R3HDM1: variants seen among roughly 807,000 people sequenced by gnomAD.
R3HDM1 encodes R3H domain-containing protein 1.
R3HDM1 carries 46 observed loss-of-function variants against 141.1 expected under a neutral mutation model. That is an observed-to-expected ratio of 0.33 (90% confidence interval 0.26 to 0.42). R3HDM1 has a LOEUF of 0.42. R3HDM1 is among the 10% of genes least tolerant of loss of function. The probability of loss-of-function intolerance (pLI) is 1.00; values close to 1 mark genes in which losing one functional copy is unlikely to be tolerated. For synonymous variants in R3HDM1, 435 were observed against 472.9 expected (o/e 0.92, Z 1.04); for missense variants, 1,184 against 1,368.3 (o/e 0.87, Z 2.12).
intron 14 of R3HDM1, 96 bp from the exon 15 acceptor site, chr2:135,641,440 G>T: frequency 7.5e-7 from 1 of 1,334,958 alleles, no homozygotes; most frequent in Non-Finnish European, 1.0e-6. Flanking sequence ...TGTAGTAACT[G>T]CATGTTATGC....
intron 24 of R3HDM1, among the ~76,000 whole-genome samples, chr2:135,721,284 C>T (rs2076672746): frequency 6.6e-6 from 1 of 152,156 alleles, no homozygotes; most frequent in Non-Finnish European, 1.5e-5. Flanking sequence ...TTGAGACCAG[C>T]CTGGTCAACA....
intron 15 of R3HDM1, among the ~76,000 whole-genome samples, chr2:135,642,219 G>A (rs1030228709): frequency 6.6e-6 from 1 of 151,532 alleles, no homozygotes; most frequent in Non-Finnish European, 1.5e-5. Flanking sequence ...TAATGGAGGG[G>A]GGAAAAATAA....
At chr2:135,618,463 A>ATTTTT (rs755774961) in intron 5 of R3HDM1, among the ~76,000 whole-genome samples, 10 of 124,120 alleles carry the variant, frequency 8.1e-5, no homozygotes, top group African/African-American at 3.0e-4. Flanking sequence ...CGCCCGGCTG[A>ATTTTT]TTTTTTTTTT....
chr2:135,616,345 T>C, intron 4 of R3HDM1, 152 bp downstream of exon 4: 1 of 813,278 alleles, frequency 1.2e-6, no homozygotes, highest in Non-Finnish European at 1.9e-6. Flanking sequence ...ATTTTTGTCT[T>C]GCCTAGTCGC....
In R3HDM1 at chr2:135,724,157, C is replaced by G. The variant is rs767349366; in HGVS notation, c.3270C>G (p.Val1090=). ...GTGACTTGGCCTCCACCTACACCGT[C>G]TTAGCCACATTCCCCTCCATTTCAG... ...KPSDLASTYT[V]LATFPSISAA... is the part of the protein sequence containing the mutation. Residue 1090 remains valine (V), a synonymous_variant, in exon 27 of 27, where the codon GTC becomes GTG. Coordinates refer to ENST00000683871, the MANE Select transcript of R3HDM1 (RefSeq NM_001378107.1). 6.2e-7 allele frequency: 1 copy of G among 1,614,072 alleles called. No individual in the cohort carries two copies. Among genetic ancestry groups the G allele is most frequent in the Non-Finnish European group, 8.5e-7 (1 of 1,179,916 alleles).
chr2:135,558,916 T>C, intron 1 of R3HDM1: 1 of 753,770 alleles, frequency 1.3e-6, no homozygotes, highest in Non-Finnish European at 1.6e-6. Flanking sequence ...CCTTAAGGGT[T>C]TTCTTCTCTG....
intron 1 of R3HDM1, 52 bp downstream of exon 1, chr2:135,531,685 T>C (rs1694725302): frequency 2.0e-6 from 2 of 985,852 alleles, no homozygotes; most frequent in Non-Finnish European, 1.2e-6. Flanking sequence ...TAACGCGCCT[T>C]GCTCCCCTCC....
chr2:135,576,338 C>T (rs1705412549), intron 1 of R3HDM1, among the ~76,000 whole-genome samples: 1 of 151,652 alleles, frequency 6.6e-6, no homozygotes, highest in South Asian at 2.1e-4. Context: ...CACTGCACTC[C>T]AGCCTGGGTG....
At chr2:135,654,152 A>G (rs1264908380) in intron 18 of R3HDM1, among the ~76,000 whole-genome samples, 4 of 152,078 alleles carry the variant, frequency 2.6e-5, no homozygotes, top group Non-Finnish European at 5.9e-5. Context: ...AGCCCCTGGC[A>G]ACCACCAATC....
chr2:135,684,203 G>A (rs1248033920), intron 21 of R3HDM1, among the ~76,000 whole-genome samples: 2 of 152,026 alleles, frequency 1.3e-5, no homozygotes. Context: ...CCATTCTCCT[G>A]TCTCAGCCTC....
At chr2:135,594,852 A>G (rs1233966172) in intron 1 of R3HDM1, among the ~76,000 whole-genome samples, 4 of 151,608 alleles carry the variant, frequency 2.6e-5, no homozygotes, top group Non-Finnish European at 5.9e-5. Context: ...ACACTTTTTC[A>G]TTCTGACAAC....
At chr2:135,687,278 G>A (rs185136305) in intron 21 of R3HDM1, among the ~76,000 whole-genome samples, 6 of 152,260 alleles carry the variant, frequency 3.9e-5, no homozygotes, top group Admixed American at 3.9e-4. Context: ...AGGGGGAAGT[G>A]GAGAGTTACT....
At chr2:135,553,099 A>T (rs1700121018) in intron 1 of R3HDM1, among the ~76,000 whole-genome samples, 2 of 152,112 alleles carry the variant, frequency 1.3e-5, no homozygotes, top group South Asian at 4.1e-4. Flanking sequence ...TGAGCTCCTT[A>T]ACTCAACTGA....
At chr2:135,545,894 A>G (rs1573622956) in intron 1 of R3HDM1, among the ~76,000 whole-genome samples, 1 of 152,222 alleles carries the variant, frequency 6.6e-6, no homozygotes, top group Non-Finnish European at 1.5e-5. Flanking sequence ...AATCTTAGCT[A>G]TTAGAATGTG....
At chr2:135,615,748 A>G (rs1282287463) in intron 3 of R3HDM1, among the ~76,000 whole-genome samples, 1 of 152,178 alleles carries the variant, frequency 6.6e-6, no homozygotes, top group Non-Finnish European at 1.5e-5. Context: ...TTCTGAGTTT[A>G]TCCACCTTTA....
At chr2:135,673,498 G>A (rs1574918933) in intron 19 of R3HDM1, among the ~76,000 whole-genome samples, 1 of 152,174 alleles carries the variant, frequency 6.6e-6, no homozygotes, top group African/African-American at 2.4e-5. Context: ...GTCATTTGAT[G>A]AACTGAAAAT....
At chr2:135,646,828 G>A (rs936373892) in intron 16 of R3HDM1, among the ~76,000 whole-genome samples, 1 of 147,650 alleles carries the variant, frequency 6.8e-6, no homozygotes, top group East Asian at 2.0e-4. Flanking sequence ...GGGTAACAGA[G>A]TGAGACTCCA....
intron 7 of R3HDM1, among the ~76,000 whole-genome samples, chr2:135,624,631 C>T (rs992210742): frequency 6.6e-6 from 1 of 152,120 alleles, no homozygotes; most frequent in Non-Finnish European, 1.5e-5. Flanking sequence ...GCCAGTAGTG[C>T]ATCAGTCGAG....
At chr2:135,591,236 C>G (rs1271114460) in intron 1 of R3HDM1, among the ~76,000 whole-genome samples, 1 of 152,082 alleles carries the variant, frequency 6.6e-6, no homozygotes, top group Non-Finnish European at 1.5e-5. Flanking sequence ...AGCTTTGTAC[C>G]TTTAAGACCT....
Sources: allele counts gnomAD v4.1 joint callset (sites outside exome capture counted in the v4.1 genomes callset), GRCh38; gene constraint gnomAD v4.1.1; transcripts MANE v1.5; gene names NCBI Gene and HGNC (gene_info 2026-07-23, HGNC 2026-07-21).